ESPNL: variants seen among roughly 807,000 people sequenced by gnomAD.
The protein encoded by ESPNL is espin like.
A neutral mutation model predicts 46.8 loss-of-function variants in ESPNL; 49 were observed. The observed-to-expected ratio is 1.05, with a 90% CI of 0.83 to 1.33. The LOEUF is 1.33. Ranked by LOEUF, ESPNL falls within the 40% of genes most tolerant of loss-of-function variation. The pLI is 0.00. For missense variants in ESPNL, 1,540 were observed against 1,436.6 expected, an observed-to-expected ratio of 1.07 and a Z score of -1.16; for synonymous variants, 664 against 662.1, an observed-to-expected ratio of 1.00 and a Z score of -0.04.
rs1691496960 is a variant in ESPNL, at chr2:238,102,063, G to A, written c.417G>A (p.Arg139=). 1.9e-6 allele frequency: 3 copies of A among 1,592,998 alleles called. No homozygotes were observed. Among genetic ancestry groups the A allele is most frequent in the Non-Finnish European group, 2.6e-6 (3 of 1,171,904 alleles). ...SATLETREGA[R]PLHHAAVSGD... is the part of the protein sequence containing the mutation. Reference sequence around the variant, plus strand: ...CGCTAGAGACCCGGGAGGGAGCCCGGCCGCTGCACCACGCTGCCGTCAGTG... The same window carrying A: ...CGCTAGAGACCCGGGAGGGAGCCCGACCGCTGCACCACGCTGCCGTCAGTG... The change falls in exon 2 of 9, where the codon CGG becomes CGA. Residue 139 remains arginine (R), a synonymous_variant. Transcript: ENST00000343063.
chr2:238,107,711 C>A, intron 3 of ESPNL, 80 bp from the exon 4 acceptor site: 1 of 1,381,714 alleles, frequency 7.2e-7, no homozygotes, highest in Non-Finnish European at 9.8e-7. Flanking sequence ...AGTCCACTTT[C>A]ACTTCTGCTC....
At chr2:238,109,462 T>A (rs1691669806) in intron 4 of ESPNL, among the ~76,000 whole-genome samples, 1 of 152,122 alleles carries the variant, frequency 6.6e-6, no homozygotes, top group Non-Finnish European at 1.5e-5. Context: ...GCAATCCTCC[T>A]GCCTCAGCCT....
At position 238,107,888 on chromosome 2, in the gene ESPNL, G is replaced by A. The variant is rs564078574; in HGVS notation, c.770G>A (p.Arg257Gln). 8.1e-6 allele frequency: 13 copies of A among 1,612,252 alleles called. No individual in the cohort carries two copies. Among genetic ancestry groups the A allele is most frequent in the Admixed American group, 1.7e-5 (1 of 59,898 alleles). The change falls in exon 4 of 9, where the codon CGA (arginine) becomes CAA (glutamine). Residue 257 changes from arginine to glutamine, a missense_variant. Physicochemically the swap from Arg to Gln is conservative, Grantham distance 43. Transcript: ENST00000343063. The part of the protein sequence containing the change: ...ARGGHTPILD[R>Q]LLLMGTPILR... ...GGCGGCCACACGCCCATTCTAGACC[G>A]ACTCCTGCTCATGGGTACCCCCATC...
chr2:238,128,802 C>G lies in ESPNL; in HGVS notation c.1311C>G (p.Pro437=), dbSNP rs1199015176. The G allele has an allele frequency of 6.4e-7, 1 of 1,563,142 alleles. No homozygotes were observed. The highest frequency in any genetic ancestry group is 1.4e-5 in the African/African-American group (1 of 73,514). ...LPSGDIDGLV[P]TRDERGQPIP... ...CAGGCGACATCGACGGGCTGGTGCC[C>G]ACGCGGGATGAGCGCGGCCAGCCCA... is the stretch of plus-strand genomic sequence containing the variant. Residue 437 remains proline, a synonymous_variant, in exon 8 of 9, where the codon CCC becomes CCG. Transcript: ENST00000343063.
intron 4 of ESPNL, 46 bp downstream of exon 4, chr2:238,108,019 G>C: frequency 6.4e-7 from 1 of 1,551,498 alleles, no homozygotes; most frequent in South Asian, 1.2e-5. Flanking sequence ...ACAAGTGCCA[G>C]CCATGCCCAG....
chr2:238,103,990 C>T (rs1451859183), intron 2 of ESPNL, among the ~76,000 whole-genome samples: 2 of 152,198 alleles, frequency 1.3e-5, no homozygotes, highest in Non-Finnish European at 2.9e-5. Flanking sequence ...CAGCTGAGGC[C>T]TGTGACTGGA....
intron 3 of ESPNL, among the ~76,000 whole-genome samples, chr2:238,106,447 G>A (rs1295672115): frequency 1.3e-5 from 2 of 152,186 alleles, no homozygotes; most frequent in East Asian, 3.9e-4. Flanking sequence ...TTGGCCTCTA[G>A]CCTCCCTTCG....
In ESPNL at chr2:238,131,804, C is replaced by T. The variant is rs760952215; in HGVS notation, c.*72C>T. On this transcript the variant is annotated 3_prime_UTR_variant, in exon 9 of 9. Transcript: ENST00000343063. ...GAGTTTCTCTTTTCTTTTCCTTGCT[C>T]ACACCCTTGGTGTTCAGGTGAGCCG... 346 of 1,501,872 alleles carry T rather than the reference C, an allele frequency of 2.3e-4. No homozygotes were observed. The highest frequency in any genetic ancestry group is 3.0e-4 in the Non-Finnish European group (330 of 1,113,156). The allele number at this position is 1,501,872 out of a possible 1,614,324, so 93.0% of individuals were successfully genotyped here.
At chr2:238,104,550 C>G (rs72985180) in intron 2 of ESPNL, 106 bp from the exon 3 acceptor site, 92,077 of 1,260,662 alleles carry the variant, frequency 0.073, 4,193 homozygotes, top group East Asian at 0.19. Flanking sequence ...GTGGGAAACT[C>G]AGTCATCACG....
intron 2 of ESPNL, among the ~76,000 whole-genome samples, chr2:238,103,290 A>G (rs1420945289): frequency 6.6e-6 from 1 of 152,194 alleles, no homozygotes; most frequent in Non-Finnish European, 1.5e-5. Flanking sequence ...TTAGCCAGGC[A>G]TGGTGGTGAC....
rs573273886 is a variant in ESPNL, at chr2:238,131,426, G to A, written c.2712G>A (p.Val904=). 6.2e-7 allele frequency: 1 copy of A among 1,608,768 alleles called. No homozygotes were observed. The highest frequency in any genetic ancestry group is 8.5e-7 in the Non-Finnish European group (1 of 1,178,042). The part of the protein sequence containing the change: ...WEAVRAFHKA[V]TDEVAAGRRA... ...CTGTGCGCGCCTTCCACAAGGCCGT[G>A]ACCGACGAGGTGGCCGCCGGCCGCC... The change falls in exon 9 of 9, where the codon GTG becomes GTA. Residue 904 remains valine, a synonymous_variant. Transcript: ENST00000343063.
At chr2:238,122,652 C>T (rs1486569293) in intron 5 of ESPNL, among the ~76,000 whole-genome samples, 2 of 152,256 alleles carry the variant, frequency 1.3e-5, no homozygotes, top group Non-Finnish European at 2.9e-5. Context: ...AAGCCCCTCA[C>T]TCTGCCAGGG....
rs10170048 is a variant in ESPNL at position 238,125,402 on chromosome 2, A to T, written c.1102+18A>T. Reference sequence around the variant, plus strand: ...CCCCAGCCGTGAGTGCACAGCCCCAAGTGGGCCACCCAGGGCATGGGCCTG... The same window carrying T: ...CCCCAGCCGTGAGTGCACAGCCCCATGTGGGCCACCCAGGGCATGGGCCTG... On this transcript the variant is annotated intron_variant, in intron 6 of 8. Coordinates refer to ENST00000343063, the MANE Select transcript of ESPNL (RefSeq NM_194312.4). 4 of 1,452,932 alleles carry T rather than the reference A, an allele frequency of 2.8e-6. No homozygotes were observed. Among genetic ancestry groups the T allele is most frequent in the African/African-American group, 1.4e-5 (1 of 69,362 alleles). 90.0% of individuals were successfully genotyped at this position (1,452,932 alleles called of 1,614,324 possible).
chr2:238,129,796 C>T lies in ESPNL; in HGVS notation c.1414-332C>T, dbSNP rs555216420. ...CCCCTCCGTCGCACCAGCCACCTGT[C>T]GTTTCTGTAGCCACAGGTGGCTCCT... On this transcript the variant is annotated intron_variant, in intron 8 of 8. Transcript: ENST00000343063. Among the ~76,000 whole-genome samples the T allele has an allele frequency of 1.8e-4, 27 of 152,378 alleles. 1 individual carries two copies. The highest frequency in any genetic ancestry group is 6.0e-4 in the African/African-American group (25 of 41,590).
chr2:238,111,957 A>T (rs1200689170), intron 4 of ESPNL, among the ~76,000 whole-genome samples: 1 of 152,218 alleles, frequency 6.6e-6, no homozygotes, highest in Non-Finnish European at 1.5e-5. Context: ...ATTCTTGAGT[A>T]AAATTGGCAT....
At position 238,106,352 on chromosome 2, in the gene ESPNL, C is replaced by T. The variant is rs906799612; in HGVS notation, c.673-1439C>T. On this transcript the variant is annotated intron_variant, in intron 3 of 8. Transcript: ENST00000343063. ...CCTGCTCACCGTGTCCCCGGGCGCTCGGGATGGCGCTGGCCTGCTCCCCGT... is the reference window on the plus strand; with the variant it reads ...CCTGCTCACCGTGTCCCCGGGCGCTTGGGATGGCGCTGGCCTGCTCCCCGT... Among the ~76,000 whole-genome samples, 14 of 152,272 alleles carry T rather than the reference C, an allele frequency of 9.2e-5. No individual in the cohort carries two copies. In the East Asian group the frequency reaches 1.9e-3, roughly 21 times the overall value.
intron 7 of ESPNL, among the ~76,000 whole-genome samples, chr2:238,128,477 C>T (rs1304619599): frequency 6.6e-6 from 1 of 152,204 alleles, no homozygotes; most frequent in Non-Finnish European, 1.5e-5. Flanking sequence ...GCCGACAATC[C>T]CCTCACACAC....
chr2:238,119,982 G>A (rs1691950554), intron 5 of ESPNL, among the ~76,000 whole-genome samples: 1 of 152,164 alleles, frequency 6.6e-6, no homozygotes, highest in African/African-American at 2.4e-5. Context: ...TGCTGCACAG[G>A]TGGCTCAGGT....
At chr2:238,109,111 G>A (rs1010084352) in intron 4 of ESPNL, among the ~76,000 whole-genome samples, 9 of 152,208 alleles carry the variant, frequency 5.9e-5, no homozygotes, top group South Asian at 2.1e-4. Context: ...GCAGGCCCTG[G>A]GAGGCATGTC....
Sources: allele counts gnomAD v4.1 joint callset (sites outside exome capture counted in the v4.1 genomes callset), GRCh38; gene constraint gnomAD v4.1.1; transcripts MANE v1.5; gene names NCBI Gene and HGNC (gene_info 2026-07-23, HGNC 2026-07-21).